The following HAO1 variants were observed in gnomAD, a reference collection of about 807,000 sequenced individuals.
HAO1 encodes the protein 2-Hydroxyacid oxidase 1.
Under a neutral mutation model 39.7 loss-of-function variants are expected in HAO1, and 34 were observed. The ratio of observed to expected loss-of-function variants is 0.86; its 90% CI spans 0.65 to 1.14. The LOEUF is 1.14. Among genes scored for constraint, HAO1 ranks in the 50% most tolerant of loss-of-function variants. HAO1 has a pLI of 0.00. For missense variants in HAO1, 479 were observed against 464.5 expected (o/e 1.03, Z -0.29); for synonymous variants, 172 against 173.2 (o/e 0.99, Z 0.05).
chr20:7,908,316 C>T (rs531294687), intron 3 of HAO1, among the ~76,000 whole-genome samples: 4 of 150,518 alleles, frequency 2.7e-5, no homozygotes, highest in East Asian at 2.0e-4. Context: ...CGCTTGAACC[C>T]GGGAGGCGAG....
At chr20:7,902,459 T>G (rs1240765735) in intron 4 of HAO1, among the ~76,000 whole-genome samples, 4 of 152,210 alleles carry the variant, frequency 2.6e-5, no homozygotes, top group African/African-American at 9.6e-5. Flanking sequence ...GTAACGTATT[T>G]TTTAATTAAG....
chr20:7,909,079 G>A (rs963913765), intron 3 of HAO1, among the ~76,000 whole-genome samples: 1 of 151,820 alleles, frequency 6.6e-6, no homozygotes, highest in African/African-American at 2.4e-5. Flanking sequence ...GCAGGGGTGG[G>A]GTGAAAGGGT....
In HAO1 at chr20:7,934,502, C is replaced by T. The variant is rs757788996; in HGVS notation, c.271G>A (p.Glu91Lys). 5 of 1,611,424 alleles carry T rather than the reference C, an allele frequency of 3.1e-6. No homozygotes were observed. The highest frequency in any genetic ancestry group is 4.2e-6 in the Non-Finnish European group (5 of 1,179,032). The stretch of plus-strand genomic sequence containing the variant: ...CTCCTACCTCTCACAGTGGCAAGCT[C>T]GCCGTCCACATGAGCCATGCGCTGC... ...AMQRMAHVDGELATVRACQSL... is the reference protein window; with the variant it reads ...AMQRMAHVDGKLATVRACQSL... Residue 91 changes from glutamate (E) to lysine (K), a missense_variant, in exon 2 of 8, where the codon GAG becomes AAG. Coordinates refer to ENST00000378789, the MANE Select transcript of HAO1 (RefSeq NM_017545.3).
chr20:7,911,286 A>G (rs1308620903), intron 3 of HAO1, among the ~76,000 whole-genome samples: 2 of 152,208 alleles, frequency 1.3e-5, no homozygotes, highest in African/African-American at 2.4e-5. Flanking sequence ...CGATCAATAA[A>G]TCATTTCTGG....
At chr20:7,898,667 T>A (rs1309636489) in intron 4 of HAO1, among the ~76,000 whole-genome samples, 1 of 152,192 alleles carries the variant, frequency 6.6e-6, no homozygotes, top group African/African-American at 2.4e-5. Flanking sequence ...CCACTAGTCA[T>A]GTAGCCACTG....
chr20:7,895,066 A>C, intron 5 of HAO1, 67 bp downstream of exon 5: 298 of 936,900 alleles, frequency 3.2e-4, no homozygotes, highest in Non-Finnish European at 4.9e-4. Context: ...AGGAAGACAT[A>C]GAGATAGTAA....
intron 3 of HAO1, among the ~76,000 whole-genome samples, chr20:7,909,033 AC>A (rs1429301486): frequency 6.6e-6 from 1 of 151,998 alleles, no homozygotes; most frequent in East Asian, 1.9e-4. Flanking sequence ...TCTGCATGGC[AC>A]CCCACCCCCA....
At chr20:7,914,977 G>A (rs746216248) in intron 2 of HAO1, among the ~76,000 whole-genome samples, 6 of 152,176 alleles carry the variant, frequency 3.9e-5, no homozygotes, top group South Asian at 2.1e-4. Context: ...AAAATTAACC[G>A]GGCGTGGTCA....
chr20:7,936,548 T>TGTGTGTGTGTGTGTGTGTG (rs1555775557), intron 1 of HAO1, among the ~76,000 whole-genome samples: 153 of 50,684 alleles, frequency 3.0e-3, no homozygotes, highest in East Asian at 6.6e-3. Flanking sequence ...GTGTGTGTGT[T>TGTGTGTGTGTGTGTGTGTG]CGCGCGCGCG....
intron 2 of HAO1, among the ~76,000 whole-genome samples, chr20:7,923,190 C>A (rs2247585): frequency 7.2e-5 from 11 of 151,960 alleles, no homozygotes; most frequent in African/African-American, 2.7e-4. Flanking sequence ...CCTCTGGGGA[C>A]GCTAATCCGG....
chr20:7,909,863 G>C lies in HAO1; in HGVS notation c.546-3534C>G, dbSNP rs1293313044. Among the ~76,000 whole-genome samples, 3 of 152,030 alleles carry C rather than the reference G, an allele frequency of 2.0e-5. No homozygotes were observed. The East Asian group carries it at 5.8e-4, about 29-fold the overall frequency. On this transcript the variant is annotated intron_variant, in intron 3 of 7. Transcript: ENST00000378789. ...TGAAAAGAAAGAGATTGAAAGAGGG[G>C]CTCATAAATACAGACACTGATACAT...
intron 3 of HAO1, 135 bp from the exon 4 acceptor site, chr20:7,906,464 C>T: frequency 4.8e-6 from 3 of 619,134 alleles, no homozygotes; most frequent in Non-Finnish European, 8.6e-6. Flanking sequence ...GTCAATTGCA[C>T]ACATATTTTC....
intron 7 of HAO1, among the ~76,000 whole-genome samples, chr20:7,884,204 G>GTATT (rs1266215001): frequency 7.9e-5 from 12 of 152,242 alleles, no homozygotes; most frequent in African/African-American, 1.4e-4. Flanking sequence ...ATTTTAATGT[G>GTATT]TATTTATTTA....
At chr20:7,936,899 T>G (rs997677656) in intron 1 of HAO1, among the ~76,000 whole-genome samples, 2 of 152,126 alleles carry the variant, frequency 1.3e-5, no homozygotes, top group African/African-American at 4.8e-5. Flanking sequence ...TTCCAAGCCT[T>G]GCCCAACCCC....
At chr20:7,936,045 C>A (rs1165877045) in intron 1 of HAO1, among the ~76,000 whole-genome samples, 1 of 152,138 alleles carries the variant, frequency 6.6e-6, no homozygotes, top group African/African-American at 2.4e-5. Flanking sequence ...TTAATCGAAG[C>A]GTGCTTCCTG....
intron 5 of HAO1, 52 bp downstream of exon 5, chr20:7,895,081 G>T: frequency 2.7e-6 from 3 of 1,093,776 alleles, no homozygotes; most frequent in Non-Finnish European, 4.3e-6. Flanking sequence ...TAGTAACACA[G>T]TGATGGAAAT....
At chr20:7,912,625 G>A (rs1189461969) in intron 3 of HAO1, among the ~76,000 whole-genome samples, 2 of 151,704 alleles carry the variant, frequency 1.3e-5, no homozygotes, top group Non-Finnish European at 2.9e-5. Flanking sequence ...ATGTAAATAC[G>A]GGATTCATAT....
chr20:7,899,364 C>T (rs1053039502), intron 4 of HAO1, among the ~76,000 whole-genome samples: 2 of 152,054 alleles, frequency 1.3e-5, no homozygotes, highest in Non-Finnish European at 2.9e-5. Context: ...TACCATTTTC[C>T]TCTGATGGTG....
At chr20:7,933,526 C>G (rs2050395974) in intron 2 of HAO1, among the ~76,000 whole-genome samples, 1 of 152,092 alleles carries the variant, frequency 6.6e-6, no homozygotes, top group Admixed American at 6.5e-5. Context: ...GTATGTGGTC[C>G]TAGAATTAAG....
Sources: allele counts gnomAD v4.1 joint callset (sites outside exome capture counted in the v4.1 genomes callset), GRCh38; gene constraint gnomAD v4.1.1; transcripts MANE v1.5; gene names NCBI Gene and HGNC (gene_info 2026-07-23, HGNC 2026-07-21).